Variants in FAM90A20 observed in about 807,000 individuals in gnomAD.
FAM90A20 encodes family with sequence similarity 90 member A20.
the FAM90A20 span, among the ~76,000 whole-genome samples, chr8:7,296,608 A>G: frequency 1.5e-5 from 2 of 135,236 alleles, 1 homozygote; most frequent in African/African-American, 7.1e-5. Flanking sequence ...CTGTCCAATT[A>G]TGGCAAGCCT....
the FAM90A20 span, chr8:7,297,315 C>A: frequency 7.4e-7 from 1 of 1,355,476 alleles, no homozygotes; most frequent in Non-Finnish European, 1.0e-6. Context: ...GTGGAGCCGA[C>A]ACACAGCAGC....
the FAM90A20 span, chr8:7,296,357 C>T: frequency 8.0e-6 from 6 of 746,162 alleles, no homozygotes; most frequent in Admixed American, 3.5e-5. Context: ...AAGCCGCTGC[C>T]GAATGGAAAA....
the FAM90A20 span, chr8:7,295,944 G>A: frequency 1.8e-6 from 1 of 550,520 alleles, no homozygotes; most frequent in Middle Eastern, 4.9e-4. Context: ...AAGGAACGCT[G>A]CAGAGAAATA....
chr8:7,297,366 A>T, the FAM90A20 span: 1 of 1,477,124 alleles, frequency 6.8e-7, no homozygotes, highest in Non-Finnish European at 9.3e-7. Context: ...GCTGCCTCCA[A>T]AACCCACGGC....
At chr8:7,297,330 A>C in the FAM90A20 span, 2 of 1,369,406 alleles carry the variant, frequency 1.5e-6, no homozygotes, top group Non-Finnish European at 2.0e-6. Context: ...AGCAGCCCTG[A>C]GGGTAGCTGC....
At chr8:7,297,114 A>G in the FAM90A20 span, 1 of 1,506,210 alleles carries the variant, frequency 6.6e-7, no homozygotes, top group South Asian at 1.1e-5. Flanking sequence ...CCGCGCATGG[A>G]CCCTGTCCTC....
At chr8:7,297,002 G>T in the FAM90A20 span, 10 of 1,385,320 alleles carry the variant, frequency 7.2e-6, no homozygotes, top group South Asian at 6.2e-5. Context: ...GGATGTGTTT[G>T]ATTTTCATGT....
At chr8:7,297,446 G>A in the FAM90A20 span, 4 of 1,554,016 alleles carry the variant, frequency 2.6e-6, 1 homozygote, top group Non-Finnish European at 3.5e-6. Flanking sequence ...CTGCCCATCA[G>A]CCGCCACACA....
At chr8:7,297,795 C>A in the FAM90A20 span, 13 of 1,262,482 alleles carry the variant, frequency 1.0e-5, 1 homozygote, top group Admixed American at 8.6e-5. Flanking sequence ...CATGATGGGG[C>A]CCAGCCTCTC....
the FAM90A20 span, chr8:7,297,082 G>A: frequency 3.2e-5 from 49 of 1,509,912 alleles, 1 homozygote; most frequent in South Asian, 4.6e-5. Flanking sequence ...GGCCAATGCC[G>A]GTCCACACAA....
At chr8:7,297,252 CCGA>C in the FAM90A20 span, 1 of 1,455,966 alleles carries the variant, frequency 6.9e-7, no homozygotes, top group South Asian at 1.1e-5. Context: ...GGGGCTGCCG[CCGA>C]CATCCCTCGG....
chr8:7,297,115 CCCTGT>C, the FAM90A20 span: 2 of 1,506,372 alleles, frequency 1.3e-6, no homozygotes, highest in Admixed American at 3.4e-5. Flanking sequence ...CGCGCATGGA[CCCTGT>C]CCTCTCTGGT....
At chr8:7,297,050 C>T in the FAM90A20 span, 2 of 1,487,802 alleles carry the variant, frequency 1.3e-6, no homozygotes, top group Non-Finnish European at 1.8e-6. Context: ...TGTGTTGTTT[C>T]CTCTCTTTCA....
chr8:7,297,145 A>C, the FAM90A20 span: 2 of 1,527,122 alleles, frequency 1.3e-6, no homozygotes, highest in South Asian at 2.2e-5. Flanking sequence ...CAGCTACCGA[A>C]ATGTCTGGCA....
chr8:7,297,807 G>T, the FAM90A20 span: 1 of 1,189,174 alleles, frequency 8.4e-7, no homozygotes, highest in Admixed American at 1.7e-5. Flanking sequence ...CAGCCTCTCA[G>T]AGTGCTCTTC....
the FAM90A20 span, chr8:7,297,654 C>T: frequency 1.4e-6 from 2 of 1,394,278 alleles, no homozygotes; most frequent in Non-Finnish European, 9.8e-7. Context: ...GAACTTGGAC[C>T]AAGTAGGTCG....
At chr8:7,296,027 A>C in the FAM90A20 span, among the ~76,000 whole-genome samples, 95 of 129,048 alleles carry the variant, frequency 7.4e-4, 12 homozygotes, top group Middle Eastern at 0.032. Context: ...AGGGACGGGG[A>C]GAGGCGGGGG....
chr8:7,296,258 G>T, the FAM90A20 span: 1 of 697,098 alleles, frequency 1.4e-6, no homozygotes. Context: ...GAAAACCAGG[G>T]GGCACGGCCT....
chr8:7,295,770 G>A, the FAM90A20 span: 23 of 1,305,474 alleles, frequency 1.8e-5, 4 homozygotes, highest in South Asian at 2.3e-4. Flanking sequence ...TGGAAGCCTG[G>A]GGTTGAAGCC....
Sources: allele counts gnomAD v4.1 joint callset (sites outside exome capture counted in the v4.1 genomes callset), GRCh38; gene constraint gnomAD v4.1.1; transcripts MANE v1.5; gene names NCBI Gene and HGNC (gene_info 2026-07-23, HGNC 2026-07-21).